The following UBN1 variants were observed in gnomAD, a reference collection of about 807,000 sequenced individuals.
UBN1 encodes ubinuclein-1.
A neutral mutation model predicts 108.5 loss-of-function variants in UBN1; 17 were observed. The observed-to-expected ratio is 0.16, with a 90% CI of 0.11 to 0.24. The LOEUF (loss-of-function observed/expected upper bound fraction) is 0.24, where lower values mean the gene tolerates loss of function less well. Ranked by LOEUF, UBN1 falls within the 10% of genes least tolerant of loss-of-function variation. UBN1 has a pLI of 1.00. For synonymous variants in UBN1, 726 were observed against 564.2 expected, an observed-to-expected ratio of 1.29 and a Z score of -4.07; for missense variants, 1,595 against 1,394.4, an observed-to-expected ratio of 1.14 and a Z score of -2.29.
Position 4,877,300 on chromosome 16 carries a change from G to T in UBN1, c.3266-85G>T. On this transcript the variant is annotated intron_variant, in intron 16 of 17. Transcript: ENST00000262376. The surrounding 1 kb of genome is among the most constrained non-coding windows in gnomAD (Gnocchi z 4.3). Reference sequence around the variant, plus strand: ...CCAGACTGGCCTGGCAGGTTATCGGGGGCTTTTGGCTGCTGGAGCTGCTTT... The same window carrying T: ...CCAGACTGGCCTGGCAGGTTATCGGTGGCTTTTGGCTGCTGGAGCTGCTTT... 1.3e-6 allele frequency: 2 copies of T among 1,543,902 alleles called. No individual in the cohort carries two copies. Among genetic ancestry groups the T allele is most frequent in the South Asian group, 2.4e-5 (2 of 82,236 alleles).
rs1431939635 is a variant in UBN1 at position 4,871,275 on chromosome 16, C to T, written c.1680C>T (p.Leu560=). Residue 560 remains leucine (L), a synonymous_variant, in exon 12 of 18, where the codon CTC becomes CTT. Transcript: ENST00000262376. ...KGFLDAEVKP[L]WPKGWMQART... is the part of the protein sequence containing the mutation. The stretch of plus-strand genomic sequence containing the variant: ...TTCTGGATGCGGAAGTCAAGCCCCT[C>T]TGGCCCAAAGGCTGGATGCAGGCCA... The T allele has an allele frequency of 6.2e-7, 1 of 1,614,098 alleles. No individual in the cohort carries two copies. Among genetic ancestry groups the T allele is most frequent in the Admixed American group, 1.7e-5 (1 of 60,012 alleles).
At chr16:4,870,784 A>T in intron 10 of UBN1, 60 bp from the exon 11 acceptor site, 1 of 1,606,580 alleles carries the variant, frequency 6.2e-7, no homozygotes, top group Admixed American at 1.7e-5. Flanking sequence ...GTGCAGAGTG[A>T]GGGGAGAGGC....
At chr16:4,853,749 A>G (rs1210694758) in intron 2 of UBN1, among the ~76,000 whole-genome samples, 2 of 151,918 alleles carry the variant, frequency 1.3e-5, no homozygotes, top group Non-Finnish European at 2.9e-5. Context: ...TTTAGTAGAG[A>G]TGGCGTTTCA....
intron 17 of UBN1, among the ~76,000 whole-genome samples, chr16:4,878,138 A>G (rs1422176828): frequency 6.6e-6 from 1 of 152,138 alleles, no homozygotes; most frequent in African/African-American, 2.4e-5. Flanking sequence ...GCACCTGAGA[A>G]CTGGGCTCAG....
At position 4,858,594 on chromosome 16, in the gene UBN1, A is replaced by C; in HGVS notation, c.363A>C (p.Arg121=). Residue 121 remains arginine (R), a synonymous_variant, in exon 4 of 18, where the codon CGA becomes CGC. Transcript: ENST00000262376. ...GTGGAAAGAAACGTAGAAAAGACCG[A>C]ATACAGGACTTGATCGATATGGGGT... ...KYGGKKRRKD[R]IQDLIDMGYG... 1.2e-6 allele frequency: 2 copies of C among 1,614,198 alleles called. No homozygotes were observed. The highest frequency in any genetic ancestry group is 1.7e-6 in the Non-Finnish European group (2 of 1,180,022).
intron 1 of UBN1, 24 bp from the exon 2 acceptor site, chr16:4,852,855 G>C (rs2086622662): frequency 1.3e-6 from 2 of 1,542,666 alleles, no homozygotes; most frequent in Admixed American, 2.0e-5. Context: ...CGTTTGACCT[G>C]GCCCTTCTTT....
chr16:4,861,278 T>G (rs1277080119), intron 7 of UBN1, among the ~76,000 whole-genome samples, 176 bp downstream of exon 7: 1 of 152,248 alleles, frequency 6.6e-6, no homozygotes, highest in Non-Finnish European at 1.5e-5. Context: ...GCCTTGCCCG[T>G]CAGGCATCAT....
intron 2 of UBN1, among the ~76,000 whole-genome samples, chr16:4,856,035 A>G (rs1442223479): frequency 1.3e-5 from 2 of 152,264 alleles, no homozygotes; most frequent in African/African-American, 4.8e-5. Flanking sequence ...TTGCATGAGC[A>G]CCACTGGGCA....
chr16:4,876,609 C>T (rs1170422501), intron 15 of UBN1, among the ~76,000 whole-genome samples: 2 of 151,826 alleles, frequency 1.3e-5, no homozygotes, highest in Non-Finnish European at 2.9e-5. Flanking sequence ...CTCACTGCAA[C>T]CTCTGTAGGA....
At position 4,847,519 on chromosome 16, in the gene UBN1, G is replaced by GC; in HGVS notation, c.-728dup. 2.0e-6 allele frequency: 1 copy of GC among 505,052 alleles called. No homozygotes were observed. The highest frequency in any genetic ancestry group is 2.6e-5 in the South Asian group (1 of 37,904). The allele number at this position is 505,052 out of a possible 1,614,324, so 31.3% of individuals were successfully genotyped here. ...TCCCTTCGGCTCGTGACAACGAAGC[G>GC]CCCGCGGTCTGAGGCGGCGGCGGCG... On this transcript the variant is annotated 5_prime_UTR_variant, in exon 1 of 18. Transcript: ENST00000262376.
intron 1 of UBN1, among the ~76,000 whole-genome samples, chr16:4,850,595 G>C (rs555046987): frequency 2.6e-5 from 4 of 152,142 alleles, no homozygotes; most frequent in Admixed American, 6.5e-5. Flanking sequence ...ATCTTAGTAC[G>C]TGTTGGGAGA....
At chr16:4,860,106 C>T (rs774076281) in intron 6 of UBN1, 138 bp downstream of exon 6, 62 of 1,024,942 alleles carry the variant, frequency 6.0e-5, no homozygotes, top group Non-Finnish European at 7.7e-5. Flanking sequence ...ACGCCTCCCG[C>T]AGTGCCATTC....
At chr16:4,859,409 C>G (rs2086957388) in intron 5 of UBN1, among the ~76,000 whole-genome samples, 1 of 152,116 alleles carries the variant, frequency 6.6e-6, no homozygotes, top group Non-Finnish European at 1.5e-5. Context: ...CAGCAGGGGT[C>G]GTTTCTGGAG....
rs1250756557 is a variant in UBN1, at chr16:4,874,283, T to A, written c.1873T>A (p.Ser625Thr). ...GQIGGPIALP[S>T]DHQTGGLSIG... ...GATTGGTGGCCCCATTGCTTTGCCC[T>A]CAGATCACCAAACAGGAGGCCTGAG... The change falls in exon 15 of 18, where the codon TCA (serine) becomes ACA (threonine). Residue 625 changes from serine (S) to threonine (T), a missense_variant. Coordinates refer to ENST00000262376, the MANE Select transcript of UBN1 (RefSeq NM_001079514.3). 6.2e-7 allele frequency: 1 copy of A among 1,613,760 alleles called. No individual in the cohort carries two copies. The highest frequency in any genetic ancestry group is 8.5e-7 in the Non-Finnish European group (1 of 1,179,796).
Position 4,875,110 on chromosome 16 carries a change from G to T in UBN1, c.2700G>T (p.Lys900Asn). 1 of 1,614,184 alleles carries T rather than the reference G, an allele frequency of 6.2e-7. No individual in the cohort carries two copies. ...HSVSSAGSSY[K>N]NNPFASSISK... ...TCAGCTCTGCAGGCTCATCTTACAA[G>T]AATAATCCCTTTGCCAGCTCAATCT... Residue 900 changes from lysine to asparagine, a missense_variant, in exon 15 of 18, where the codon AAG becomes AAT. Coordinates refer to ENST00000262376, the MANE Select transcript of UBN1 (RefSeq NM_001079514.3).
intron 17 of UBN1, among the ~76,000 whole-genome samples, chr16:4,879,302 T>C (rs530966741): frequency 7.2e-5 from 11 of 152,258 alleles, no homozygotes; most frequent in African/African-American, 2.6e-4. Context: ...TTTTTAAAAC[T>C]GTTTAAGGCT....
In UBN1 at chr16:4,877,363, C is replaced by T. The variant is rs759204657; in HGVS notation, c.3266-22C>T. 13 of 1,601,508 alleles carry T rather than the reference C, an allele frequency of 8.1e-6. No individual in the cohort carries two copies. In the East Asian group the frequency reaches 2.5e-4, roughly 30 times the overall value. ...TTCAATGTGTGTGTTTTGTTCTTTT[C>T]TCCCCTCCTGTTTTCTCTCAGGTCT... On this transcript the variant is annotated intron_variant, in intron 16 of 17. Coordinates refer to ENST00000262376, the MANE Select transcript of UBN1 (RefSeq NM_001079514.3). This position sits in a 1 kb window ranked among gnomAD's most constrained non-coding sequence, Gnocchi z 4.3.
At chr16:4,849,763 A>T (rs562033782) in intron 1 of UBN1, among the ~76,000 whole-genome samples, 171 of 151,624 alleles carry the variant, frequency 1.1e-3, no homozygotes, top group Middle Eastern at 3.4e-3. Flanking sequence ...TGGCTAATTT[A>T]AAAAAAATTT....
chr16:4,871,246 G>A lies in UBN1; in HGVS notation c.1651G>A (p.Gly551Ser). The A allele has an allele frequency of 6.2e-7, 1 of 1,614,246 alleles. No homozygotes were observed. Among genetic ancestry groups the A allele is most frequent in the Non-Finnish European group, 8.5e-7 (1 of 1,180,050 alleles). Residue 551 changes from glycine to serine, a missense_variant, in exon 12 of 18, where the codon GGC (glycine) becomes AGC (serine). Physicochemically the swap from Gly to Ser is moderately conservative, Grantham distance 56. This residue lies in a region of UBN1 where 1,398 missense variants were observed against 1,194.7 expected (regional missense o/e 1.17). Transcript: ENST00000262376. ...CCAGGCTTGGGAGGACTGTGTGAAG[G>A]GCTTTCTGGATGCGGAAGTCAAGCC... ...KAQAWEDCVK[G>S]FLDAEVKPLW...
Sources: allele counts gnomAD v4.1 joint callset (sites outside exome capture counted in the v4.1 genomes callset), GRCh38; gene constraint gnomAD v4.1.1; regional missense constraint gnomAD v4.1.1; non-coding constraint Gnocchi (gnomAD v3.1); transcripts MANE v1.5; gene names NCBI Gene and HGNC (gene_info 2026-07-23, HGNC 2026-07-21).